The following ZNF385B variants were observed in gnomAD, a reference collection of about 807,000 sequenced individuals.
ZNF385B encodes zinc finger protein 385B.
Under a neutral mutation model 39.2 loss-of-function variants are expected in ZNF385B, and 23 were observed. The ratio of observed to expected loss-of-function variants is 0.59; its 90% CI spans 0.42 to 0.83. The LOEUF (loss-of-function observed/expected upper bound fraction) is 0.83, where lower values mean the gene tolerates loss of function less well. ZNF385B is among the 40% of genes least tolerant of loss of function. The pLI, the probability that ZNF385B is intolerant of heterozygous loss-of-function variation, is 0.00. For missense variants in ZNF385B, 552 were observed against 598.9 expected (o/e 0.92, Z 0.82); for synonymous variants, 205 against 222.6 (o/e 0.92, Z 0.70).
chr2:179,821,203 G>A (rs1208962813), intron 1 of ZNF385B, among the ~76,000 whole-genome samples: 6 of 152,168 alleles, frequency 3.9e-5, no homozygotes. Context: ...CTGTTGCCAT[G>A]CCCTCCTCTC....
At chr2:179,669,668 A>C (rs1374199972) in intron 3 of ZNF385B, among the ~76,000 whole-genome samples, 16 of 152,218 alleles carry the variant, frequency 1.1e-4, no homozygotes. Flanking sequence ...TTAAACCAAG[A>C]AGCTTTCATT....
At chr2:179,577,632 A>G (rs1685990755) in intron 3 of ZNF385B, among the ~76,000 whole-genome samples, 1 of 152,062 alleles carries the variant, frequency 6.6e-6, no homozygotes, top group South Asian at 2.1e-4. Context: ...AACCTTATAA[A>G]TTGAAAATTT....
intron 3 of ZNF385B, among the ~76,000 whole-genome samples, chr2:179,760,274 C>T: frequency 6.9e-6 from 1 of 145,320 alleles, no homozygotes; most frequent in Non-Finnish European, 1.5e-5. Flanking sequence ...TGTGTAGATT[C>T]ATGTATCCCC....
At chr2:179,822,122 A>T (rs1274120976) in intron 1 of ZNF385B, among the ~76,000 whole-genome samples, 2 of 152,226 alleles carry the variant, frequency 1.3e-5, no homozygotes, top group African/African-American at 2.4e-5. Flanking sequence ...CCTACACAAT[A>T]GGTTCCTAAA....
At chr2:179,537,755 A>ACCAAC (rs2059669423) in intron 4 of ZNF385B, among the ~76,000 whole-genome samples, 1 of 146,468 alleles carries the variant, frequency 6.8e-6, no homozygotes, top group African/African-American at 2.6e-5. Flanking sequence ...ACAAACAAAC[A>ACCAAC]AACAAACAAA....
intron 3 of ZNF385B, among the ~76,000 whole-genome samples, chr2:179,760,607 C>A (rs1232300015): frequency 6.6e-6 from 1 of 152,062 alleles, no homozygotes; most frequent in Non-Finnish European, 1.5e-5. Context: ...CCTTGGAACC[C>A]GTGAGTGCTA....
At chr2:179,523,294 AC>A (rs1416933268) in intron 4 of ZNF385B, among the ~76,000 whole-genome samples, 1 of 151,410 alleles carries the variant, frequency 6.6e-6, no homozygotes, top group African/African-American at 2.4e-5. Context: ...CAAAATAAGA[AC>A]AATTTTTTTT....
intron 3 of ZNF385B, among the ~76,000 whole-genome samples, chr2:179,607,602 A>G (rs1242865313): frequency 6.6e-6 from 1 of 152,126 alleles, no homozygotes; most frequent in Non-Finnish European, 1.5e-5. Flanking sequence ...AAACCTGGAG[A>G]TAGAGGAGGA....
chr2:179,774,606 C>T (rs889820894), intron 1 of ZNF385B, among the ~76,000 whole-genome samples: 2 of 152,124 alleles, frequency 1.3e-5, no homozygotes, highest in Admixed American at 1.3e-4. Context: ...ATCCACCTGC[C>T]TCAGCCTCCC....
chr2:179,493,775 GTATATACACATATGTATACATATA>G (rs2055784687), intron 5 of ZNF385B, among the ~76,000 whole-genome samples: 39 of 77,786 alleles, frequency 5.0e-4, no homozygotes, highest in Non-Finnish European at 5.8e-4. Flanking sequence ...ATACATATAT[GTATATACACATATGTATACATATA>G]TGTATATATA....
At position 179,827,764 on chromosome 2, in the gene ZNF385B, C is replaced by T. The variant is rs781149597; in HGVS notation, c.-155+33337G>A. Among the ~76,000 whole-genome samples, 52 of 152,100 alleles carry T rather than the reference C, an allele frequency of 3.4e-4. 1 individual carries two copies. The highest frequency in any genetic ancestry group is 1.8e-4 in the Non-Finnish European group (12 of 68,016). ...CATAACATACATGCATACAAGCAAA[C>T]ATCATAGAACCTATGAATTGTCACG... On this transcript the variant is annotated intron_variant, in intron 1 of 9. Transcript: ENST00000410066.
At chr2:179,446,994 GA>G (rs957915377) in intron 6 of ZNF385B, among the ~76,000 whole-genome samples, 1 of 152,122 alleles carries the variant, frequency 6.6e-6, no homozygotes, top group Non-Finnish European at 1.5e-5. Flanking sequence ...GATGACTTAT[GA>G]AAAATGACTT....
chr2:179,650,762 A>G (rs1693126336), intron 3 of ZNF385B, among the ~76,000 whole-genome samples: 1 of 152,178 alleles, frequency 6.6e-6, no homozygotes, highest in Admixed American at 6.6e-5. Context: ...CCAAGAAACA[A>G]AAGTCTTTTG....
At chr2:179,624,609 G>A (rs1336175904) in intron 3 of ZNF385B, among the ~76,000 whole-genome samples, 1 of 152,150 alleles carries the variant, frequency 6.6e-6, no homozygotes, top group South Asian at 2.1e-4. Context: ...CAAAATACGA[G>A]TAAAAAATTA....
At chr2:179,554,433 G>A (rs1250023237) in intron 3 of ZNF385B, among the ~76,000 whole-genome samples, 1 of 149,164 alleles carries the variant, frequency 6.7e-6, no homozygotes, top group African/African-American at 2.5e-5. Flanking sequence ...TAAACAAAAA[G>A]TATAGAGAAA....
intron 3 of ZNF385B, among the ~76,000 whole-genome samples, chr2:179,711,249 ATC>A (rs1198833812): frequency 6.6e-6 from 1 of 152,182 alleles, no homozygotes; most frequent in Non-Finnish European, 1.5e-5. Context: ...CTGCTATAGA[ATC>A]TCTGTCTTGC....
chr2:179,807,560 G>A (rs1204143358), intron 1 of ZNF385B, among the ~76,000 whole-genome samples: 2 of 151,910 alleles, frequency 1.3e-5, no homozygotes, highest in African/African-American at 2.4e-5. Flanking sequence ...TCCAGCCTGG[G>A]TGACAGAGGG....
At chr2:179,834,209 C>T (rs1708129895) in intron 1 of ZNF385B, among the ~76,000 whole-genome samples, 1 of 152,014 alleles carries the variant, frequency 6.6e-6, no homozygotes, top group Non-Finnish European at 1.5e-5. Flanking sequence ...AATAACATCC[C>T]CATAGTAATA....
chr2:179,797,061 T>TA (rs537149866), intron 1 of ZNF385B, among the ~76,000 whole-genome samples: 1,681 of 151,576 alleles, frequency 0.011, 21 homozygotes, highest in African/African-American at 0.023. Context: ...GAATGGGGTT[T>TA]AAAAAAAAAC....
Sources: gnomAD v4.1 joint callset for allele counts (sites outside exome capture counted in the v4.1 genomes callset) on GRCh38, gnomAD v4.1.1 for gene constraint, MANE v1.5 for transcripts, NCBI Gene and HGNC (gene_info 2026-07-23, HGNC 2026-07-21) for gene names.